Variants in KPNA3 observed in about 807,000 individuals in gnomAD.
KPNA3 encodes karyopherin subunit alpha 3, also known as importin subunit alpha-4.
Under a neutral mutation model 73.8 loss-of-function variants are expected in KPNA3, and 13 were observed. That is an observed-to-expected ratio of 0.18 (90% CI 0.11 to 0.28). The LOEUF (loss-of-function observed/expected upper bound fraction) is 0.28, where lower values mean the gene tolerates loss of function less well. KPNA3 is among the 10% of genes least tolerant of loss of function. The probability of loss-of-function intolerance (pLI) is 1.00; values close to 1 mark genes in which losing one functional copy is unlikely to be tolerated. For synonymous variants in KPNA3, 186 were observed against 206.9 expected (o/e 0.90, Z 0.87); for missense variants, 360 against 618.1 (o/e 0.58, Z 4.43).
intron 8 of KPNA3, 31 bp downstream of exon 8, chr13:49,722,446 T>G (rs754149677): frequency 5.5e-6 from 8 of 1,443,430 alleles, no homozygotes; most frequent in Non-Finnish European, 6.7e-6. Context: ...TTAATTTAGA[T>G]TCTTAAGAGG....
chr13:49,729,271 A>G (rs867889482), intron 6 of KPNA3, among the ~76,000 whole-genome samples: 5 of 152,308 alleles, frequency 3.3e-5, no homozygotes, highest in Middle Eastern at 3.4e-3. Flanking sequence ...AAACAGTAAG[A>G]TCAAAAACAG....
intron 15 of KPNA3, 30 bp downstream of exon 15, chr13:49,705,574 CAGAGTTCCAGTGCTCAA>C (rs748910216): frequency 6.4e-7 from 1 of 1,570,386 alleles, no homozygotes; most frequent in South Asian, 1.2e-5. Context: ...ACTTATGTTT[CAGAGTTCCAGTGCTCAA>C]ATACTCTTCT....
intron 6 of KPNA3, among the ~76,000 whole-genome samples, chr13:49,728,091 C>T (rs1488256173): frequency 2.6e-5 from 4 of 152,008 alleles, no homozygotes; most frequent in East Asian, 1.9e-4. Flanking sequence ...AAAAGTCAGC[C>T]GGGCGTGGTG....
chr13:49,747,387 G>A (rs1025730207), intron 1 of KPNA3, among the ~76,000 whole-genome samples: 1 of 151,264 alleles, frequency 6.6e-6, no homozygotes, highest in African/African-American at 2.4e-5. Context: ...TCAGGTATTT[G>A]AGTTAGAAGT....
chr13:49,732,724 A>G, intron 4 of KPNA3, 23 bp downstream of exon 4: 2 of 1,585,332 alleles, frequency 1.3e-6, no homozygotes, highest in Non-Finnish European at 1.7e-6. Flanking sequence ...CTTCAAAACG[A>G]GAGTATTAAT....
chr13:49,733,290 T>TTTTTG (rs1954487839), intron 2 of KPNA3, among the ~76,000 whole-genome samples: 2 of 144,968 alleles, frequency 1.4e-5, no homozygotes, highest in South Asian at 2.3e-4. Context: ...GTGTTTTTTT[T>TTTTTG]TTTTTTTTTT....
chr13:49,783,133 A>G (rs1954954949), intron 1 of KPNA3, among the ~76,000 whole-genome samples: 1 of 152,122 alleles, frequency 6.6e-6, no homozygotes, highest in Non-Finnish European at 1.5e-5. Flanking sequence ...CCCAATATCC[A>G]TATGCATAAT....
intron 1 of KPNA3, among the ~76,000 whole-genome samples, chr13:49,757,426 A>G (rs911910838): frequency 3.8e-4 from 58 of 152,346 alleles, no homozygotes; most frequent in African/African-American, 1.3e-3. Context: ...GGATATACAC[A>G]TGGCAAATAA....
At chr13:49,733,093 T>C in intron 2 of KPNA3, 47 bp from the exon 3 acceptor site, 1 of 1,164,242 alleles carries the variant, frequency 8.6e-7, no homozygotes, top group Non-Finnish European at 1.3e-6. Flanking sequence ...GGACTACTGT[T>C]AATGAAAAAT....
At chr13:49,716,068 GT>G (rs1477027114) in intron 10 of KPNA3, among the ~76,000 whole-genome samples, 1 of 152,060 alleles carries the variant, frequency 6.6e-6, no homozygotes, top group Non-Finnish European at 1.5e-5. Flanking sequence ...ATGGTTTTCA[GT>G]GGGGTCTCCA....
intron 1 of KPNA3, among the ~76,000 whole-genome samples, chr13:49,766,006 T>C (rs1354375655): frequency 6.6e-6 from 1 of 152,172 alleles, no homozygotes; most frequent in East Asian, 1.9e-4. Context: ...CAAAACTGAG[T>C]TCATCATTTT....
chr13:49,764,200 TTCA>T (rs1954791792), intron 1 of KPNA3, among the ~76,000 whole-genome samples: 1 of 151,992 alleles, frequency 6.6e-6, no homozygotes, highest in Non-Finnish European at 1.5e-5. Flanking sequence ...GTCCTCATAC[TTCA>T]TCAACTCTAA....
intron 1 of KPNA3, among the ~76,000 whole-genome samples, chr13:49,747,663 G>C (rs1270407351): frequency 6.6e-6 from 1 of 152,226 alleles, no homozygotes; most frequent in Non-Finnish European, 1.5e-5. Context: ...TTTAGCTTGA[G>C]TGACAGAGCG....
At chr13:49,749,466 G>C (rs1954644346) in intron 1 of KPNA3, among the ~76,000 whole-genome samples, 1 of 152,178 alleles carries the variant, frequency 6.6e-6, no homozygotes, top group Non-Finnish European at 1.5e-5. Flanking sequence ...GAATCCGGCA[G>C]GCCCTACAGC....
chr13:49,792,143 G>T (rs985846560), intron 1 of KPNA3, among the ~76,000 whole-genome samples: 4 of 152,064 alleles, frequency 2.6e-5, no homozygotes, highest in African/African-American at 9.7e-5. Context: ...CTGGCCCGCG[G>T]ACCCCGCCTC....
At chr13:49,733,156 C>T (rs1954485761) in intron 2 of KPNA3, 110 bp from the exon 3 acceptor site, 1 of 715,282 alleles carries the variant, frequency 1.4e-6, no homozygotes, top group Admixed American at 2.5e-5. Flanking sequence ...ATACTGAACA[C>T]ATAAGGATAA....
chr13:49,790,700 G>A (rs1417970034), intron 1 of KPNA3, among the ~76,000 whole-genome samples: 2 of 152,104 alleles, frequency 1.3e-5, no homozygotes, highest in Non-Finnish European at 2.9e-5. Flanking sequence ...TAAAAGTCAC[G>A]GGTTACATTC....
At position 49,792,525 on chromosome 13, in the gene KPNA3, C is replaced by G. The variant is rs1955044335; in HGVS notation, c.-19G>C. 7.0e-7 allele frequency: 1 copy of G among 1,438,152 alleles called. No individual in the cohort carries two copies. Among genetic ancestry groups the G allele is most frequent in the Non-Finnish European group, 9.3e-7 (1 of 1,075,926 alleles). The allele number at this position is 1,438,152 out of a possible 1,614,324, so 89.1% of individuals were successfully genotyped here. On this transcript the variant is annotated 5_prime_UTR_variant, in exon 1 of 17. Transcript: ENST00000261667. Reference sequence around the variant, plus strand: ...CGGCCATGGCTGCGCGCGGCTCCGGCGGCGGCTACTCCTGCGGCTGCGGCG... The same window carrying G: ...CGGCCATGGCTGCGCGCGGCTCCGGGGGCGGCTACTCCTGCGGCTGCGGCG...
rs957213329 is a variant in KPNA3, at chr13:49,789,120, G to A, written c.69+3318C>T. Among the ~76,000 whole-genome samples the A allele has an allele frequency of 4.6e-4, 70 of 152,062 alleles. 1 individual carries two copies. The highest frequency in any genetic ancestry group is 1.3e-3 in the African/African-American group (53 of 41,374). ...TCACCCTTTCCATTGCTCTAATCAT[G>A]TTACATCTCCTCTTTGCTCTGGAAT... On this transcript the variant is annotated intron_variant, in intron 1 of 16. Transcript: ENST00000261667.
Sources: gnomAD v4.1 joint callset for allele counts (sites outside exome capture counted in the v4.1 genomes callset) on GRCh38, gnomAD v4.1.1 for gene constraint, MANE v1.5 for transcripts, NCBI Gene and HGNC (gene_info 2026-07-23, HGNC 2026-07-21) for gene names.